FABP12: variants seen among roughly 807,000 people sequenced by gnomAD.
FABP12 encodes the protein fatty acid-binding protein 12.
Under a neutral mutation model 13.7 loss-of-function variants are expected in FABP12, and 19 were observed. The observed-to-expected ratio is 1.39, with a 90% CI of 0.97 to 2.04. The LOEUF is 2.04. FABP12 is among the 30% of genes most tolerant of loss of function. The probability of loss-of-function intolerance (pLI) is 0.00; values close to 1 mark genes in which losing one functional copy is unlikely to be tolerated. For missense variants in FABP12, 182 were observed against 164.2 expected (o/e 1.11, Z -0.59); for synonymous variants, 61 against 57.0 (o/e 1.07, Z -0.32).
At chr8:81,559,089 A>G (rs1475758172) in intron 1 of FABP12, among the ~76,000 whole-genome samples, 2 of 152,062 alleles carry the variant, frequency 1.3e-5, no homozygotes, top group African/African-American at 4.8e-5. Flanking sequence ...TAGCTACCAT[A>G]TCTTGTTCTC....
At chr8:81,560,837 T>G (rs755894708) in intron 1 of FABP12, among the ~76,000 whole-genome samples, 1 of 152,210 alleles carries the variant, frequency 6.6e-6, no homozygotes, top group Non-Finnish European at 1.5e-5. Context: ...GTCCATGCTC[T>G]TAATCCTTAG....
At chr8:81,572,064 G>C (rs1339060472) in intron 1 of FABP12, among the ~76,000 whole-genome samples, 1 of 151,916 alleles carries the variant, frequency 6.6e-6, no homozygotes, top group African/African-American at 2.4e-5. Flanking sequence ...CCCCCGAGCA[G>C]TATACACTGC....
At chr8:81,573,187 AC>A (rs1320635405) in intron 1 of FABP12, among the ~76,000 whole-genome samples, 2 of 152,082 alleles carry the variant, frequency 1.3e-5, no homozygotes, top group African/African-American at 4.8e-5. Flanking sequence ...TTATCCCAGC[AC>A]CATTTGTTGA....
At chr8:81,527,490 A>G (rs1430737315) in intron 3 of FABP12, among the ~76,000 whole-genome samples, 1 of 151,874 alleles carries the variant, frequency 6.6e-6, no homozygotes, top group Non-Finnish European at 1.5e-5. Context: ...AGCCTCCCAA[A>G]TAGCTGGGAT....
At chr8:81,561,637 G>A (rs1037842448) in intron 1 of FABP12, among the ~76,000 whole-genome samples, 5 of 152,180 alleles carry the variant, frequency 3.3e-5, no homozygotes, top group Non-Finnish European at 5.9e-5. Context: ...TGTGCATGGG[G>A]GAAGGAGGGC....
At chr8:81,526,201 A>G (rs911538208) in intron 4 of FABP12, 1 of 152,220 alleles carries the variant, frequency 6.6e-6, no homozygotes, top group African/African-American at 2.4e-5. Context: ...TAACCTACAC[A>G]CGAATCTTGC....
At chr8:81,531,178 G>A in intron 2 of FABP12, 65 bp downstream of exon 2, 1 of 1,044,096 alleles carries the variant, frequency 9.6e-7, no homozygotes, top group Non-Finnish European at 1.5e-6. Flanking sequence ...TTTATACAGA[G>A]CAAGTTCTGT....
At chr8:81,525,195 A>G in intron 4 of FABP12, 75 bp from the exon 5 acceptor site, 1 of 931,950 alleles carries the variant, frequency 1.1e-6, no homozygotes, top group East Asian at 2.7e-5. Context: ...CAAACTAAGT[A>G]CTATCCACAC....
chr8:81,576,839 G>A (rs558201064), intron 1 of FABP12, among the ~76,000 whole-genome samples: 13 of 152,268 alleles, frequency 8.5e-5, no homozygotes, highest in African/African-American at 2.9e-4. Flanking sequence ...CCAGGCAAAT[G>A]CAGCAAGCTT....
At chr8:81,575,165 T>C (rs1014352809) in intron 1 of FABP12, among the ~76,000 whole-genome samples, 1 of 152,190 alleles carries the variant, frequency 6.6e-6, no homozygotes, top group Admixed American at 6.5e-5. Context: ...TTATTGTCAT[T>C]CAGTTCAAAG....
At chr8:81,530,553 A>G (rs1373260754) in intron 2 of FABP12, among the ~76,000 whole-genome samples, 1 of 152,252 alleles carries the variant, frequency 6.6e-6, no homozygotes, top group African/African-American at 2.4e-5. Flanking sequence ...GGAAAATACT[A>G]TAATGTAGTT....
At chr8:81,528,809 CA>C (rs1808978309) in intron 3 of FABP12, among the ~76,000 whole-genome samples, 1 of 152,076 alleles carries the variant, frequency 6.6e-6, no homozygotes, top group Admixed American at 6.5e-5. Flanking sequence ...CAGGGTGAGA[CA>C]ATAAAAAGCC....
At chr8:81,572,294 T>C (rs1809947017) in intron 1 of FABP12, among the ~76,000 whole-genome samples, 1 of 152,204 alleles carries the variant, frequency 6.6e-6, no homozygotes, top group Non-Finnish European at 1.5e-5. Flanking sequence ...ATTCATTCCT[T>C]TTTATGGCTG....
At chr8:81,551,059 TATA>T (rs1468362823) in intron 1 of FABP12, among the ~76,000 whole-genome samples, 3 of 152,322 alleles carry the variant, frequency 2.0e-5, no homozygotes, top group African/African-American at 7.2e-5. Context: ...CACTCTCTGC[TATA>T]ATAACATTAA....
chr8:81,569,793 C>T (rs1223833458), intron 1 of FABP12, among the ~76,000 whole-genome samples: 1 of 152,182 alleles, frequency 6.6e-6, no homozygotes, highest in East Asian at 1.9e-4. Flanking sequence ...TAATAAGTAT[C>T]ATTTTCTTTA....
At chr8:81,529,384 A>T (rs760187821) in intron 3 of FABP12, 54 bp downstream of exon 3, 2 of 1,552,048 alleles carry the variant, frequency 1.3e-6, no homozygotes, top group South Asian at 2.2e-5. Flanking sequence ...ACCGAGGATG[A>T]TATCTGACTA....
chr8:81,559,686 G>T (rs1381552448), intron 1 of FABP12, among the ~76,000 whole-genome samples: 1 of 152,210 alleles, frequency 6.6e-6, no homozygotes, highest in Non-Finnish European at 1.5e-5. Context: ...ACTCTTTGCA[G>T]AAATTTCAGT....
chr8:81,530,439 C>A (rs1809037663), intron 2 of FABP12, among the ~76,000 whole-genome samples: 1 of 152,134 alleles, frequency 6.6e-6, no homozygotes, highest in Non-Finnish European at 1.5e-5. Flanking sequence ...AGTGAACATC[C>A]TTGTATACAC....
intron 1 of FABP12, among the ~76,000 whole-genome samples, chr8:81,556,716 T>TTA (rs1001824406): frequency 4.1e-5 from 6 of 147,826 alleles, no homozygotes; most frequent in African/African-American, 1.2e-4. Flanking sequence ...CAAACCTTAT[T>TTA]TATATATATA....
Sources: allele counts gnomAD v4.1 joint callset (sites outside exome capture counted in the v4.1 genomes callset), GRCh38; gene constraint gnomAD v4.1.1; transcripts MANE v1.5; gene names NCBI Gene and HGNC (gene_info 2026-07-23, HGNC 2026-07-21).